Variants in NDST3 observed in about 807,000 individuals in gnomAD.
NDST3 encodes the protein N-deacetylase and N-sulfotransferase 3.
NDST3 carries 58 observed loss-of-function variants against 96.1 expected under a neutral mutation model. The ratio of observed to expected loss-of-function variants is 0.60; its 90% CI spans 0.49 to 0.75. The LOEUF (loss-of-function observed/expected upper bound fraction) is 0.75. NDST3 is among the 30% of genes least tolerant of loss of function. The probability of loss-of-function intolerance (pLI) is 0.00; values close to 1 mark genes in which losing one functional copy is unlikely to be tolerated. For missense variants in NDST3, 788 were observed against 1,034.2 expected, an observed-to-expected ratio of 0.76 and a Z score of 3.27; for synonymous variants, 333 against 359.7, an observed-to-expected ratio of 0.93 and a Z score of 0.84.
chr4:118,240,770 T>C (rs1740958141), intron 11 of NDST3, 76 bp downstream of exon 11: 1 of 1,398,386 alleles, frequency 7.2e-7, no homozygotes, highest in African/African-American at 1.4e-5. Flanking sequence ...TAAGAAAATT[T>C]TCAATTGTTA....
In NDST3 at chr4:118,161,794, G is replaced by A. The variant is rs186883050; in HGVS notation, c.1539+18110G>A. Among the ~76,000 whole-genome samples the A allele has an allele frequency of 4.5e-3, 685 of 152,222 alleles. 9 individuals are homozygous for A. Among genetic ancestry groups the A allele is most frequent in the Middle Eastern group, 0.014 (4 of 294 alleles). On this transcript the variant is annotated intron_variant, in intron 6 of 13. Coordinates refer to ENST00000296499, the MANE Select transcript of NDST3 (RefSeq NM_004784.3). ...ATCTGTCAACCCTTTCTTTGACTAG[G>A]AAAGGGAACTCCCTGATCCCTTGAG...
At chr4:118,232,880 CAATTT>C (rs1274400634) in intron 8 of NDST3, 127 bp from the exon 9 acceptor site, 1 of 936,398 alleles carries the variant, frequency 1.1e-6, no homozygotes, top group Non-Finnish European at 1.6e-6. Context: ...ATTATCTATT[CAATTT>C]ATTTCCAGCA....
At chr4:118,226,215 T>C (rs188171917) in intron 7 of NDST3, among the ~76,000 whole-genome samples, 72 of 152,302 alleles carry the variant, frequency 4.7e-4, no homozygotes, top group African/African-American at 1.6e-3. Context: ...GTTCTTAAAA[T>C]GAAGGGTGTT....
chr4:118,254,283 C>T (rs1300765828), intron 13 of NDST3, among the ~76,000 whole-genome samples: 1 of 151,058 alleles, frequency 6.6e-6, no homozygotes, highest in African/African-American at 2.4e-5. Context: ...TTTTGACTGC[C>T]TGAGTCATTC....
At chr4:118,081,311 T>C (rs1339250473) in intron 2 of NDST3, among the ~76,000 whole-genome samples, 1 of 152,154 alleles carries the variant, frequency 6.6e-6, no homozygotes, top group Non-Finnish European at 1.5e-5. Context: ...TTATGCAAGG[T>C]TTTTGCACTT....
rs528883418 is a variant in NDST3 at position 118,163,472 on chromosome 4, A to G, written c.1539+19788A>G. Among the ~76,000 whole-genome samples the G allele has an allele frequency of 5.9e-5, 9 of 152,178 alleles. No homozygotes were observed. In the East Asian group the frequency reaches 1.2e-3, roughly 20 times the overall value. On this transcript the variant is annotated intron_variant, in intron 6 of 13. Coordinates refer to ENST00000296499, the MANE Select transcript of NDST3 (RefSeq NM_004784.3). ...TGTAGGGACATGGATGAAATTGGAA[A>G]TCATCATTCTCAGTAAACTATCGCA...
chr4:118,169,535 T>C (rs189229835), intron 6 of NDST3, among the ~76,000 whole-genome samples: 5 of 152,316 alleles, frequency 3.3e-5, no homozygotes, highest in Admixed American at 3.3e-4. Context: ...GGCTCACGCC[T>C]GTAATCCTAG....
At chr4:118,093,220 A>G (rs577349008) in intron 2 of NDST3, among the ~76,000 whole-genome samples, 2 of 151,860 alleles carry the variant, frequency 1.3e-5, no homozygotes, top group South Asian at 4.1e-4. Flanking sequence ...AGATTATATT[A>G]ATTTTTTATA....
At chr4:118,210,621 C>T (rs1738723768) in intron 6 of NDST3, among the ~76,000 whole-genome samples, 1 of 151,866 alleles carries the variant, frequency 6.6e-6, no homozygotes, top group Non-Finnish European at 1.5e-5. Context: ...ACTAAAAATA[C>T]AAAAATTAGC....
At chr4:118,142,615 CAGA>C (rs1257602094) in intron 5 of NDST3, among the ~76,000 whole-genome samples, 8 of 152,050 alleles carry the variant, frequency 5.3e-5, no homozygotes, top group African/African-American at 1.9e-4. Context: ...GGACAATAAG[CAGA>C]AGACCTGTCC....
chr4:118,180,031 G>C (rs891311155), intron 6 of NDST3, among the ~76,000 whole-genome samples: 1 of 151,976 alleles, frequency 6.6e-6, no homozygotes, highest in Admixed American at 6.6e-5. Context: ...ACACATCTAG[G>C]GTGAAAATAG....
At chr4:118,138,923 G>A (rs891945851) in intron 5 of NDST3, among the ~76,000 whole-genome samples, 5 of 152,066 alleles carry the variant, frequency 3.3e-5, no homozygotes, top group African/African-American at 1.2e-4. Flanking sequence ...GCTAGGAATG[G>A]GCCTCCTAAT....
Position 118,138,160 on chromosome 4 carries a change from T to C in NDST3, c.1331T>C (p.Ile444Thr), listed in dbSNP as rs754599126. Reference sequence around the variant, plus strand: ...GAGGCCTGGAAGAAGGTCTGGAATATTAAAATCACCAGCACTGAAGAATAT... The same window carrying C: ...GAGGCCTGGAAGAAGGTCTGGAATACTAAAATCACCAGCACTGAAGAATAT... ...LYEAWKKVWN[I>T]KITSTEEYPH... The change falls in exon 5 of 14, where the codon ATT (isoleucine) becomes ACT (threonine). Residue 444 changes from isoleucine (I) to threonine (T), a missense_variant. Physicochemically the swap from Ile to Thr is moderately conservative, Grantham distance 89. Around this residue, in one of 3 missense-constraint regions of NDST3, gnomAD observed 490 missense variants for 708.8 expected, o/e 0.69. Coordinates refer to ENST00000296499, the MANE Select transcript of NDST3 (RefSeq NM_004784.3). 8 of 1,613,900 alleles carry C rather than the reference T, an allele frequency of 5.0e-6. No individual in the cohort carries two copies. The South Asian group carries it at 7.7e-5, about 16-fold the overall frequency.
intron 2 of NDST3, among the ~76,000 whole-genome samples, chr4:118,061,126 C>A (rs946241657): frequency 2.0e-5 from 3 of 152,152 alleles, no homozygotes; most frequent in Non-Finnish European, 4.4e-5. Context: ...CTCTGCTACA[C>A]GCCCAGCTCC....
intron 4 of NDST3, among the ~76,000 whole-genome samples, chr4:118,134,115 A>G (rs922287465): frequency 6.6e-6 from 1 of 152,204 alleles, no homozygotes; most frequent in Non-Finnish European, 1.5e-5. Context: ...AATTACCTTC[A>G]GATTTATCCA....
At chr4:118,072,107 T>C (rs1262112668) in intron 2 of NDST3, among the ~76,000 whole-genome samples, 8 of 152,154 alleles carry the variant, frequency 5.3e-5, no homozygotes, top group Admixed American at 5.2e-4. Flanking sequence ...TTAGTACCAA[T>C]ACCATGCTGT....
intron 6 of NDST3, among the ~76,000 whole-genome samples, chr4:118,153,278 G>T (rs1458608118): frequency 1.3e-5 from 2 of 151,996 alleles, no homozygotes; most frequent in African/African-American, 4.8e-5. Context: ...ATACCCACTT[G>T]GAATGCAAGT....
chr4:118,059,163 G>C (rs1238894334), intron 2 of NDST3, among the ~76,000 whole-genome samples: 1 of 152,010 alleles, frequency 6.6e-6, no homozygotes, highest in Non-Finnish European at 1.5e-5. Context: ...GGAAAATGAA[G>C]AACCCGCCCA....
intron 6 of NDST3, among the ~76,000 whole-genome samples, chr4:118,188,827 T>C (rs1389677591): frequency 6.6e-6 from 1 of 152,096 alleles, no homozygotes; most frequent in Non-Finnish European, 1.5e-5. Context: ...TAAGATTCTA[T>C]GTGCTTGTGA....
Sources: allele counts gnomAD v4.1 joint callset (sites outside exome capture counted in the v4.1 genomes callset), GRCh38; gene constraint gnomAD v4.1.1; regional missense constraint gnomAD v4.1.1; transcripts MANE v1.5; gene names NCBI Gene and HGNC (gene_info 2026-07-23, HGNC 2026-07-21).